Variants in PCDH11X observed in about 807,000 individuals in gnomAD.
PCDH11X encodes the protein protocadherin 11 X-linked.
In PCDH11X, 18 loss-of-function variants were observed where a neutral mutation model predicts 53.3. That is an observed-to-expected ratio of 0.34 (90% confidence interval 0.23 to 0.50). The LOEUF (loss-of-function observed/expected upper bound fraction) is 0.50. Among genes scored for constraint, PCDH11X ranks in the 20% least tolerant of loss-of-function variants. The pLI is 0.98. For synonymous variants in PCDH11X, 279 were observed against 393.3 expected, an observed-to-expected ratio of 0.71 and a Z score of 3.44; for missense variants, 570 against 1,032.4, an observed-to-expected ratio of 0.55 and a Z score of 6.14.
chrX:91,952,167 T>A (rs1312348440), intron 6 of PCDH11X, among the ~76,000 whole-genome samples: 1 of 111,687 alleles, frequency 9.0e-6, no homozygotes, highest in Non-Finnish European at 1.9e-5. Context: ...TCAAAAAATA[T>A]ATGCACTAAA....
intron 10 of PCDH11X, among the ~76,000 whole-genome samples, chrX:92,588,937 T>C (rs1402056154): frequency 9.1e-6 from 1 of 109,680 alleles, no homozygotes; most frequent in Non-Finnish European, 1.9e-5. Flanking sequence ...AAAAAGAAAA[T>C]ACAACGGAGC....
At chrX:92,177,546 T>G (rs2148286542) in intron 6 of PCDH11X, among the ~76,000 whole-genome samples, 1 of 111,904 alleles carries the variant, frequency 8.9e-6, no homozygotes, top group Non-Finnish European at 1.9e-5. Context: ...GGGCGATTTT[T>G]AAGTTTGCCA....
chrX:92,315,854 A>G (rs1442289445), intron 8 of PCDH11X, among the ~76,000 whole-genome samples: 3 of 108,791 alleles, frequency 2.8e-5, no homozygotes, highest in Non-Finnish European at 5.7e-5. Flanking sequence ...TTAATCTTAG[A>G]GCATTGTTCT....
chrX:92,461,797 T>C (rs1473849489), intron 9 of PCDH11X, among the ~76,000 whole-genome samples: 2 of 111,360 alleles, frequency 1.8e-5, no homozygotes, highest in Non-Finnish European at 3.8e-5. Flanking sequence ...GGGAAATATT[T>C]GTAAACTACT....
chrX:91,853,317 CAT>C (rs1404988992), intron 5 of PCDH11X, among the ~76,000 whole-genome samples: 5 of 110,074 alleles, frequency 4.5e-5, no homozygotes, highest in Non-Finnish European at 9.5e-5. Context: ...ATACAGAAAA[CAT>C]ATTTATTATT....
At chrX:92,522,885 G>C (rs1249717345) in intron 10 of PCDH11X, among the ~76,000 whole-genome samples, 1 of 111,562 alleles carries the variant, frequency 9.0e-6, no homozygotes, top group Admixed American at 9.5e-5. Flanking sequence ...CTGACCCTAA[G>C]AATAATGCTT....
chrX:92,160,638 T>C (rs1194586491), intron 6 of PCDH11X, among the ~76,000 whole-genome samples: 1 of 85,097 alleles, frequency 1.2e-5, no homozygotes, highest in Admixed American at 1.2e-4. Flanking sequence ...GGTATTTTTT[T>C]TTCTTTTTTT....
intron 6 of PCDH11X, among the ~76,000 whole-genome samples, chrX:91,886,768 G>A (rs1467160232): frequency 5.5e-5 from 6 of 108,805 alleles, no homozygotes; most frequent in Admixed American, 9.9e-5. Flanking sequence ...TCAGGAGATC[G>A]AGACCATCCT....
chrX:92,247,064 T>A (rs777750480), intron 7 of PCDH11X, among the ~76,000 whole-genome samples: 1 of 112,061 alleles, frequency 8.9e-6, no homozygotes, highest in Non-Finnish European at 1.9e-5. Context: ...ATAACACTTA[T>A]CTAGTAATTA....
rs758361813 is a variant in PCDH11X, at chrX:92,263,185, G to A, written c.3144+42G>A. 1.7e-5 allele frequency: 18 copies of A among 1,090,805 alleles called. No homozygotes were observed. In the South Asian group the frequency reaches 3.5e-4, roughly 21 times the overall value. 89.9% of individuals were successfully genotyped at this position (1,090,805 alleles called of 1,213,427 possible). A position where few individuals can be genotyped will look rare whatever the true frequency, so the allele number is the denominator to read the frequency against. On this transcript the variant is annotated intron_variant, in intron 8 of 10. Transcript: ENST00000682573. ...CAAAGAAAATTGATTTTGAAATGTT[G>A]TGTTTATACTGTGTGAAGCTACAGT...
chrX:92,073,898 A>T (rs1474403625), intron 6 of PCDH11X, among the ~76,000 whole-genome samples: 2 of 112,245 alleles, frequency 1.8e-5, no homozygotes, highest in Non-Finnish European at 3.8e-5. Context: ...TCCAGCTAGG[A>T]TAAAAGCTGG....
rs954041639 is a variant in PCDH11X at position 92,618,299 on chromosome X, G to C, written c.3403G>C (p.Ala1135Pro). Residue 1135 changes from alanine (A) to proline (P), a missense_variant, in exon 11 of 11, where the codon GCC (alanine) becomes CCC (proline). Physicochemically the swap from Ala to Pro is conservative, Grantham distance 27. Coordinates refer to ENST00000682573, the MANE Select transcript of PCDH11X (RefSeq NM_032968.5). ...AACTGTTCAACCAACTGTGGAAGAG[G>C]CCTCTGACAACTGCACTCAAGAATG... ...EITVQPTVEE[A>P]SDNCTQECLI... 1 of 1,206,911 alleles carries C rather than the reference G, an allele frequency of 8.3e-7. No homozygotes were observed.
At chrX:92,474,979 G>A (rs6619045) in intron 10 of PCDH11X, among the ~76,000 whole-genome samples, 21,821 of 102,456 alleles carry the variant, frequency 0.21, 2,261 homozygotes, top group East Asian at 0.49. Context: ...TCCCGGCTAA[G>A]ACGGTGAAAC....
intron 5 of PCDH11X, among the ~76,000 whole-genome samples, chrX:91,874,889 C>T (rs1403049865): frequency 1.1e-5 from 1 of 91,549 alleles, no homozygotes; most frequent in Non-Finnish European, 2.2e-5. Context: ...TTGTTTTAGA[C>T]AGTGGTATGA....
intron 10 of PCDH11X, among the ~76,000 whole-genome samples, chrX:92,522,070 T>C (rs1468186890): frequency 8.9e-6 from 1 of 112,359 alleles, no homozygotes; most frequent in Non-Finnish European, 1.9e-5. Context: ...GGAATATAAC[T>C]TTTACTTTTC....
chrX:92,339,014 A>G (rs1483016421), intron 8 of PCDH11X, among the ~76,000 whole-genome samples: 4 of 111,713 alleles, frequency 3.6e-5, no homozygotes, highest in Non-Finnish European at 7.5e-5. Flanking sequence ...CCTGACTTCA[A>G]ACTATACTAC....
At chrX:92,573,127 C>G (rs1922399891) in intron 10 of PCDH11X, among the ~76,000 whole-genome samples, 1 of 111,150 alleles carries the variant, frequency 9.0e-6, no homozygotes, top group Non-Finnish European at 1.9e-5. Flanking sequence ...TAGACAAACA[C>G]TGTGTTAGGA....
In PCDH11X at chrX:92,482,057, G is replaced by A. The variant is rs766959578; in HGVS notation, c.3367+13735G>A. On this transcript the variant is annotated intron_variant, in intron 10 of 10. Transcript: ENST00000682573. ...TTTCCTCTGAAGATCTGTTAGGAGT[G>A]CAGCAGCTGTCAGGATCCCTCAGTG... 7.6e-3 allele frequency among the ~76,000 whole-genome samples: 755 copies of A among 99,734 alleles called. 11 individuals are homozygous for A. The highest frequency in any genetic ancestry group is 0.026 in the African/African-American group (702 of 27,195). 86.6% of individuals were successfully genotyped at this position (99,734 alleles called of 115,157 possible). A position where few individuals can be genotyped will look rare whatever the true frequency, so the allele number is the denominator to read the frequency against.
chrX:92,223,680 A>G (rs1203726958), intron 7 of PCDH11X, among the ~76,000 whole-genome samples: 1 of 111,775 alleles, frequency 8.9e-6, no homozygotes, highest in Non-Finnish European at 1.9e-5. Flanking sequence ...TTTTCACCAA[A>G]CTATTTAATA....
Sources: gnomAD v4.1 joint callset for allele counts (sites outside exome capture counted in the v4.1 genomes callset) on GRCh38, gnomAD v4.1.1 for gene constraint, MANE v1.5 for transcripts, NCBI Gene and HGNC (gene_info 2026-07-23, HGNC 2026-07-21) for gene names.